The following BANK1 variants were observed in gnomAD, a reference collection of about 807,000 sequenced individuals.
BANK1 encodes B cell scaffold protein with ankyrin repeats 1, also known as B-cell scaffold protein with ankyrin repeats.
In BANK1, 95 loss-of-function variants were observed where a neutral mutation model predicts 94.5. The ratio of observed to expected loss-of-function variants is 1.00; its 90% CI spans 0.85 to 1.19. BANK1 has a LOEUF of 1.19. Among genes scored for constraint, BANK1 ranks in the 50% most tolerant of loss-of-function variants. BANK1 has a pLI of 0.00. For missense variants in BANK1, 987 were observed against 932.2 expected, an observed-to-expected ratio of 1.06 and a Z score of -0.77; for synonymous variants, 334 against 308.4, an observed-to-expected ratio of 1.08 and a Z score of -0.87.
In BANK1 at chr4:102,029,987, G is replaced by T. The variant is rs1727233327; in HGVS notation, c.1622G>T (p.Arg541Ile). ...PGTMVEGQME[R>I]SQNWGHPGVR... ...ACAATGGTGGAAGGCCAAATGGAAA[G>T]AAGTCAAAACTGGGGTCATCCTGGT... Residue 541 changes from arginine (R) to isoleucine (I), a missense_variant, in exon 10 of 17, where the codon AGA becomes ATA. Arg to Ile is a moderately conservative substitution (Grantham distance 97). Transcript: ENST00000322953. 2 of 1,608,200 alleles carry T rather than the reference G, an allele frequency of 1.2e-6. No homozygotes were observed. The highest frequency in any genetic ancestry group is 8.5e-7 in the Non-Finnish European group (1 of 1,178,428).
intron 7 of BANK1, 59 bp from the exon 8 acceptor site, chr4:102,021,455 G>T: frequency 1.6e-6 from 1 of 622,402 alleles, no homozygotes; most frequent in South Asian, 2.6e-5. Context: ...ATTTGCACAG[G>T]CATCCAGTGC....
chr4:102,055,082 T>A (rs1257692521), intron 11 of BANK1, among the ~76,000 whole-genome samples: 1 of 152,074 alleles, frequency 6.6e-6, no homozygotes, highest in African/African-American at 2.4e-5. Context: ...TAAAATTATG[T>A]CAAGTGATAA....
chr4:101,935,610 C>T (rs1578407290), intron 7 of BANK1, among the ~76,000 whole-genome samples: 3 of 151,590 alleles, frequency 2.0e-5, no homozygotes, highest in African/African-American at 7.2e-5. Flanking sequence ...TATTGAAAAT[C>T]TTATCTATGT....
At chr4:101,876,596 A>T (rs1276800577) in intron 5 of BANK1, among the ~76,000 whole-genome samples, 1 of 152,200 alleles carries the variant, frequency 6.6e-6, no homozygotes, top group African/African-American at 2.4e-5. Context: ...ACAAGCCCAG[A>T]TTGAGAAGGC....
chr4:102,011,824 TC>T (rs1253572873), intron 7 of BANK1, among the ~76,000 whole-genome samples: 1 of 152,210 alleles, frequency 6.6e-6, no homozygotes, highest in Non-Finnish European at 1.5e-5. Context: ...TGGTTTGGGT[TC>T]ATGAAATGTA....
chr4:101,848,507 C>T (rs1269061886), intron 2 of BANK1, among the ~76,000 whole-genome samples: 1 of 152,166 alleles, frequency 6.6e-6, no homozygotes, highest in Non-Finnish European at 1.5e-5. Flanking sequence ...CCAGTTTCTA[C>T]ACAGTAACTT....
At chr4:101,921,741 A>G (rs1029240484) in intron 7 of BANK1, among the ~76,000 whole-genome samples, 1 of 151,760 alleles carries the variant, frequency 6.6e-6, no homozygotes, top group African/African-American at 2.4e-5. Context: ...TTTTCCTTCC[A>G]CCACTGTGTT....
At chr4:102,031,123 G>A (rs139527785) in intron 10 of BANK1, among the ~76,000 whole-genome samples, 1,639 of 152,014 alleles carry the variant, frequency 0.011, 28 homozygotes, top group African/African-American at 0.036. Flanking sequence ...CTTTTTAATG[G>A]TTGCCATTCT....
intron 1 of BANK1, among the ~76,000 whole-genome samples, chr4:101,804,661 A>T (rs1265091486): frequency 6.6e-6 from 1 of 152,200 alleles, no homozygotes; most frequent in African/African-American, 2.4e-5. Context: ...TACAGTATTG[A>T]TAAATACAGT....
At chr4:101,991,002 C>T (rs2850377) in intron 7 of BANK1, among the ~76,000 whole-genome samples, 54,821 of 151,964 alleles carry the variant, frequency 0.36, 10,599 homozygotes, top group Non-Finnish European at 0.43. Flanking sequence ...AAGACTTCCT[C>T]AATGTAAGGT....
At chr4:101,839,347 T>C (rs1726945224) in intron 2 of BANK1, among the ~76,000 whole-genome samples, 2 of 152,188 alleles carry the variant, frequency 1.3e-5, no homozygotes, top group South Asian at 2.1e-4. Context: ...AATTATGATT[T>C]CCTTTTGACA....
intron 7 of BANK1, among the ~76,000 whole-genome samples, chr4:101,986,839 ATATGTG>A (rs1725504201): frequency 1.5e-5 from 1 of 68,024 alleles, no homozygotes; most frequent in African/African-American, 4.7e-5. Context: ...ATATGTATAT[ATATGTG>A]TATATATATG....
At chr4:102,018,340 A>C (rs1458289500) in intron 7 of BANK1, among the ~76,000 whole-genome samples, 2 of 152,206 alleles carry the variant, frequency 1.3e-5, no homozygotes, top group African/African-American at 4.8e-5. Context: ...GTGCTTTATA[A>C]AAGCTGGTAA....
intron 2 of BANK1, among the ~76,000 whole-genome samples, chr4:101,831,126 G>T (rs766642186): frequency 1.2e-4 from 19 of 152,058 alleles, no homozygotes; most frequent in Non-Finnish European, 2.6e-4. Flanking sequence ...TCCTGGCTGG[G>T]TGTTTCTCCT....
intron 7 of BANK1, among the ~76,000 whole-genome samples, chr4:101,959,955 C>G (rs1724510960): frequency 1.3e-5 from 2 of 152,268 alleles, no homozygotes; most frequent in South Asian, 4.1e-4. Context: ...TGATCTCATC[C>G]TCAAGCGTCA....
At chr4:101,857,506 G>T (rs981660882) in intron 3 of BANK1, among the ~76,000 whole-genome samples, 38 of 152,088 alleles carry the variant, frequency 2.5e-4, no homozygotes, top group African/African-American at 9.2e-4. Flanking sequence ...CATCTGCTCT[G>T]CAGCATTAAC....
At chr4:101,876,052 A>C (rs1333723622) in intron 5 of BANK1, among the ~76,000 whole-genome samples, 1 of 152,196 alleles carries the variant, frequency 6.6e-6, no homozygotes, top group Non-Finnish European at 1.5e-5. Context: ...TGTGGCATAT[A>C]GGATACCAGC....
intron 2 of BANK1, among the ~76,000 whole-genome samples, chr4:101,839,010 T>C (rs538910191): frequency 2.6e-5 from 4 of 152,338 alleles, no homozygotes; most frequent in Non-Finnish European, 2.9e-5. Flanking sequence ...GAGAAACTTA[T>C]ATATTTTAAC....
chr4:101,912,088 G>C (rs1261502183), intron 6 of BANK1, among the ~76,000 whole-genome samples: 2 of 151,996 alleles, frequency 1.3e-5, no homozygotes, highest in Non-Finnish European at 2.9e-5. Context: ...GGCAGAATGG[G>C]CTTTTTAATT....
Sources: gnomAD v4.1 joint callset for allele counts (sites outside exome capture counted in the v4.1 genomes callset) on GRCh38, gnomAD v4.1.1 for gene constraint, MANE v1.5 for transcripts, NCBI Gene and HGNC (gene_info 2026-07-23, HGNC 2026-07-21) for gene names.